Variants in ITGA8 observed in about 807,000 individuals in gnomAD.
ITGA8 encodes the protein integrin subunit alpha 8, also known as integrin alpha-8.
A neutral mutation model predicts 142.3 loss-of-function variants in ITGA8; 91 were observed. That is an observed-to-expected ratio of 0.64 (90% CI 0.54 to 0.76). The LOEUF is 0.76. ITGA8 is among the 30% of genes least tolerant of loss of function. The probability of loss-of-function intolerance (pLI) is 0.00; values close to 1 mark genes in which losing one functional copy is unlikely to be tolerated. For missense variants in ITGA8, 1,406 were observed against 1,327.7 expected, an observed-to-expected ratio of 1.06 and a Z score of -0.92; for synonymous variants, 505 against 485.2, an observed-to-expected ratio of 1.04 and a Z score of -0.54.
intron 28 of ITGA8, among the ~76,000 whole-genome samples, chr10:15,527,599 C>T (rs10906923): frequency 2.6e-5 from 4 of 151,910 alleles, no homozygotes; most frequent in Non-Finnish European, 5.9e-5. Flanking sequence ...CATCACAGGA[C>T]ATGAGGAATT....
intron 2 of ITGA8, among the ~76,000 whole-genome samples, chr10:15,697,051 A>ACACACACACACACACACC (rs918271120): frequency 2.0e-5 from 3 of 151,524 alleles, no homozygotes; most frequent in African/African-American, 7.3e-5. Flanking sequence ...TCTAAAACAC[A>ACACACACACACACACACC]CACACACACA....
rs1196956188 is a variant in ITGA8, at chr10:15,628,106, A to G, written c.1400-11547T>C. 2.0e-5 allele frequency among the ~76,000 whole-genome samples: 3 copies of G among 151,942 alleles called. No individual in the cohort carries two copies. The East Asian group carries it at 5.8e-4, about 29-fold the overall frequency. ...GAAAATTACCCTATATGGTCTACAA[A>G]CGGGAGGAACCCTCAGTTCTCGGAA... On this transcript the variant is annotated intron_variant, in intron 13 of 29. Coordinates refer to ENST00000378076, the MANE Select transcript of ITGA8 (RefSeq NM_003638.3).
intron 19 of ITGA8, 94 bp from the exon 20 acceptor site, chr10:15,604,449 T>C (rs1404385391): frequency 3.0e-6 from 3 of 1,003,014 alleles, no homozygotes; most frequent in Admixed American, 3.1e-5. Flanking sequence ...AAAAGAAAAA[T>C]GGCAAGTGCA....
At chr10:15,588,337 C>A (rs1832868004) in intron 22 of ITGA8, among the ~76,000 whole-genome samples, 1 of 152,174 alleles carries the variant, frequency 6.6e-6, no homozygotes, top group Non-Finnish European at 1.5e-5. Flanking sequence ...AGGCTCATTT[C>A]CTGGAATGGA....
intron 27 of ITGA8, among the ~76,000 whole-genome samples, chr10:15,546,483 C>A (rs375029031): frequency 6.6e-6 from 1 of 152,222 alleles, no homozygotes; most frequent in East Asian, 1.9e-4. Context: ...TGATGTTGTC[C>A]CCTGAGGACA....
At chr10:15,614,382 C>T (rs1833356493) in intron 14 of ITGA8, among the ~76,000 whole-genome samples, 3 of 152,144 alleles carry the variant, frequency 2.0e-5, no homozygotes, top group Admixed American at 2.0e-4. Flanking sequence ...ACCTAAAGAG[C>T]TTTAAAACAA....
At chr10:15,532,502 C>T (rs1181531055) in intron 27 of ITGA8, among the ~76,000 whole-genome samples, 1 of 150,124 alleles carries the variant, frequency 6.7e-6, no homozygotes, top group Non-Finnish European at 1.5e-5. Context: ...AGTTAAGAAC[C>T]ACTGACCTAG....
At chr10:15,668,229 A>T (rs1212546273) in intron 8 of ITGA8, among the ~76,000 whole-genome samples, 1 of 152,126 alleles carries the variant, frequency 6.6e-6, no homozygotes, top group African/African-American at 2.4e-5. Flanking sequence ...TATATTTAGG[A>T]TAGTTAGCTC....
intron 10 of ITGA8, 56 bp downstream of exon 10, chr10:15,658,943 A>T: frequency 1.8e-6 from 2 of 1,118,722 alleles, no homozygotes; most frequent in Non-Finnish European, 2.7e-6. Context: ...TATGAATATT[A>T]TAGTCTACTG....
chr10:15,684,062 G>A lies in ITGA8; in HGVS notation c.510C>T (p.Thr170=). ...TGAAGTTCTGAATTGCTACATAGCA[G>A]GTGCCAACTGGGTCCTTTTCTGGTG... ...KPTPEKDPVG[T]CYVAIQNFSA... Residue 170 remains threonine, a synonymous_variant, in exon 4 of 30, where the codon ACC becomes ACT. Transcript: ENST00000378076. 6.2e-7 allele frequency: 1 copy of A among 1,614,170 alleles called. No homozygotes were observed. Among genetic ancestry groups the A allele is most frequent in the South Asian group, 1.1e-5 (1 of 91,082 alleles).
At chr10:15,578,307 C>T (rs2131585536) in intron 23 of ITGA8, among the ~76,000 whole-genome samples, 1 of 152,200 alleles carries the variant, frequency 6.6e-6, no homozygotes, top group East Asian at 1.9e-4. Context: ...TTTTTTGACT[C>T]TGCATACTTC....
intron 23 of ITGA8, among the ~76,000 whole-genome samples, chr10:15,580,143 AAAAAG>A (rs1834381806): frequency 6.6e-6 from 1 of 150,942 alleles, no homozygotes; most frequent in Non-Finnish European, 1.5e-5. Context: ...AAAAAAAAAA[AAAAAG>A]AGAAAAGGAG....
chr10:15,607,473 G>T (rs1023660058), intron 17 of ITGA8, among the ~76,000 whole-genome samples: 1 of 152,186 alleles, frequency 6.6e-6, no homozygotes. Flanking sequence ...AGAAGCCTTA[G>T]AAATTAATAG....
In ITGA8 at chr10:15,675,874, G is replaced by A. The variant is rs190589716; in HGVS notation, c.676+1718C>T. Among the ~76,000 whole-genome samples, 239 of 152,222 alleles carry A rather than the reference G, an allele frequency of 1.6e-3. 2 individuals carry two copies. Among genetic ancestry groups the A allele is most frequent in the Non-Finnish European group, 2.8e-4 (19 of 68,020 alleles). ...CCTGAATAAAATTTTAAATTTCTATGTCTCAGACAAATGCTTGTATATGCC... is the reference window on the plus strand; with the variant it reads ...CCTGAATAAAATTTTAAATTTCTATATCTCAGACAAATGCTTGTATATGCC... On this transcript the variant is annotated intron_variant, in intron 6 of 29. Coordinates refer to ENST00000378076, the MANE Select transcript of ITGA8 (RefSeq NM_003638.3).
At chr10:15,542,471 CT>C (rs1833589151) in intron 27 of ITGA8, among the ~76,000 whole-genome samples, 1 of 152,108 alleles carries the variant, frequency 6.6e-6, no homozygotes, top group Admixed American at 6.6e-5. Context: ...AAGATGTTTT[CT>C]TTATTGGATT....
Position 15,659,072 on chromosome 10 carries a change from T to G in ITGA8, c.892-17A>C, listed in dbSNP as rs369266657. 3.8e-6 allele frequency: 6 copies of G among 1,586,184 alleles called. No individual in the cohort carries two copies. The South Asian group carries it at 4.5e-5, about 12-fold the overall frequency. On this transcript the variant is annotated splice_polypyrimidine_tract_variant and intron_variant, in intron 9 of 29. Transcript: ENST00000378076. ...GATGGAAACCTGAAATCACAGAAAT[T>G]AAACAGGTTACACCATTTGCCATAG...
chr10:15,654,618 A>C (rs1834150110), intron 11 of ITGA8, among the ~76,000 whole-genome samples: 7 of 152,216 alleles, frequency 4.6e-5, no homozygotes, highest in Admixed American at 4.6e-4. Flanking sequence ...TATTCTTCAG[A>C]TATTTGCTTT....
chr10:15,692,455 G>A (rs548751401), intron 2 of ITGA8, among the ~76,000 whole-genome samples: 3 of 148,840 alleles, frequency 2.0e-5, no homozygotes, highest in African/African-American at 7.4e-5. Context: ...TGGTATCCTT[G>A]AATCTACACT....
intron 16 of ITGA8, 23 bp from the exon 17 acceptor site, chr10:15,607,854 A>C: frequency 6.2e-7 from 1 of 1,604,700 alleles, no homozygotes; most frequent in Non-Finnish European, 8.5e-7. Context: ...AGTAAAGTAG[A>C]GAAAAAGTAT....
Sources: allele counts gnomAD v4.1 joint callset (sites outside exome capture counted in the v4.1 genomes callset), GRCh38; gene constraint gnomAD v4.1.1; transcripts MANE v1.5; gene names NCBI Gene and HGNC (gene_info 2026-07-23, HGNC 2026-07-21).